CLDN18: variants seen among roughly 807,000 people sequenced by gnomAD.
The protein encoded by CLDN18 is claudin-18.
CLDN18 carries 20 observed loss-of-function variants against 25.0 expected under a neutral mutation model. That is an observed-to-expected ratio of 0.80 (90% confidence interval 0.56 to 1.16). CLDN18 has a LOEUF of 1.16. Among genes scored for constraint, CLDN18 ranks in the 50% most tolerant of loss-of-function variants. CLDN18 has a pLI of 0.00. For synonymous variants in CLDN18, 125 were observed against 135.6 expected (o/e 0.92, Z 0.54); for missense variants, 297 against 345.4 (o/e 0.86, Z 1.11).
chr3:138,009,792 CGG>C (rs1208000278), upstream of CLDN18, among the ~76,000 whole-genome samples: 1 of 152,236 alleles, frequency 6.6e-6, no homozygotes, highest in Non-Finnish European at 1.5e-5. Flanking sequence ...AGACAGAGCA[CGG>C]TGGGTGCTTC....
intron 1 of CLDN18, among the ~76,000 whole-genome samples, chr3:138,004,086 A>G (rs935996932): frequency 6.6e-6 from 1 of 152,156 alleles, no homozygotes; most frequent in African/African-American, 2.4e-5. Context: ...AGGCAAGAGA[A>G]TCACTTGAAC....
intron 1 of CLDN18, among the ~76,000 whole-genome samples, chr3:138,022,184 C>T (rs1942278523): frequency 6.6e-6 from 1 of 152,154 alleles, no homozygotes; most frequent in Non-Finnish European, 1.5e-5. Flanking sequence ...TGGAGAGAGA[C>T]TGGCCTGATG....
rs529867138 is a variant in CLDN18 at position 138,023,572 on chromosome 3, T to C, written c.221-86T>C. On this transcript the variant is annotated intron_variant, in intron 1 of 4. Transcript: ENST00000183605. ...GAGGTTTGGTGCAGGTTAGTTGTGG[T>C]TGCTTTGTTTTATTAAACCACAGCC... 4.3e-6 allele frequency: 6 copies of C among 1,383,730 alleles called. No homozygotes were observed. In the South Asian group the frequency reaches 8.0e-5, roughly 19 times the overall value. The allele number at this position is 1,383,730 out of a possible 1,614,324, so 85.7% of individuals were successfully genotyped here. A position where few individuals can be genotyped will look rare whatever the true frequency, so the allele number is the denominator to read the frequency against.
intron 1 of CLDN18, among the ~76,000 whole-genome samples, chr3:138,022,216 A>T (rs1942279060): frequency 6.6e-6 from 1 of 152,100 alleles, no homozygotes; most frequent in South Asian, 2.1e-4. Context: ...CAGCACAAAC[A>T]TTCTGTATAA....
intron 1 of CLDN18, among the ~76,000 whole-genome samples, chr3:138,011,059 T>C (rs1291616432): frequency 2.0e-5 from 3 of 152,134 alleles, no homozygotes; most frequent in South Asian, 4.2e-4. Context: ...AATATAAATA[T>C]AATTATAAAT....
chr3:138,011,434 G>T (rs1942136019), intron 1 of CLDN18, among the ~76,000 whole-genome samples: 1 of 152,148 alleles, frequency 6.6e-6, no homozygotes, highest in Non-Finnish European at 1.5e-5. Flanking sequence ...ATAGAAGATG[G>T]GTGTCAGAGT....
chr3:138,023,563 T>C (rs1321443205), intron 1 of CLDN18, 95 bp from the exon 2 acceptor site: 3 of 1,212,630 alleles, frequency 2.5e-6, no homozygotes, highest in Non-Finnish European at 3.5e-6. Flanking sequence ...TGGTGCAGGT[T>C]AGTTGTGGTT....
chr3:138,021,159 AC>A (rs1441669699), intron 1 of CLDN18, among the ~76,000 whole-genome samples: 1 of 152,172 alleles, frequency 6.6e-6, no homozygotes, highest in African/African-American at 2.4e-5. Context: ...GCCTATGAAA[AC>A]TAGGGCTGGA....
intron 1 of CLDN18, among the ~76,000 whole-genome samples, chr3:138,019,680 G>A (rs1010685851): frequency 6.6e-6 from 1 of 152,058 alleles, no homozygotes. Flanking sequence ...AAATCTCTGG[G>A]GATGAGAACA....
At position 138,023,806 on chromosome 3, in the gene CLDN18, C is replaced by T. The variant is rs1401299562; in HGVS notation, c.369C>T (p.Ile123=). 6.2e-7 allele frequency: 1 copy of T among 1,612,966 alleles called. No individual in the cohort carries two copies. Among genetic ancestry groups the T allele is most frequent in the Admixed American group, 1.7e-5 (1 of 59,948 alleles). ...CCAACATGACACTGACCTCCGGGAT[C>T]ATGTTCATTGTCTCAGGTAAACACA... The part of the protein sequence containing the change: ...AKANMTLTSG[I]MFIVSGLCAI... Residue 123 remains isoleucine, a synonymous_variant, in exon 2 of 5, where the codon ATC becomes ATT. Coordinates refer to ENST00000183605, the MANE Select transcript of CLDN18 (RefSeq NM_016369.4).
chr3:138,000,429 G>A (rs1942003624), intron 1 of CLDN18, among the ~76,000 whole-genome samples: 2 of 152,320 alleles, frequency 1.3e-5, no homozygotes, highest in South Asian at 4.1e-4. Context: ...CAGGGGCAAT[G>A]AGAGAATGAC....
chr3:138,008,196 T>C (rs549498336), upstream of CLDN18, among the ~76,000 whole-genome samples: 2 of 130,540 alleles, frequency 1.5e-5, no homozygotes, highest in South Asian at 5.5e-4. Flanking sequence ...CCTATAAAGG[T>C]TAAAGATTGG....
intron 1 of CLDN18, among the ~76,000 whole-genome samples, chr3:138,004,169 A>T (rs1203137127): frequency 2.0e-5 from 3 of 152,214 alleles, no homozygotes; most frequent in Admixed American, 6.5e-5. Flanking sequence ...CAAAAAAAAA[A>T]TTTTAGATAA....
chr3:137,999,067 T>G (rs1464271598), exon 1 of CLDN18: 1 of 1,614,146 alleles, frequency 6.2e-7, no homozygotes, highest in Non-Finnish European at 8.5e-7. Context: ...CCGGGGCTAC[T>G]TCACCCTGCT....
At chr3:138,011,864 T>A (rs1400722108) in intron 1 of CLDN18, among the ~76,000 whole-genome samples, 1 of 152,174 alleles carries the variant, frequency 6.6e-6, no homozygotes, top group Non-Finnish European at 1.5e-5. Context: ...TTGCGTCCAC[T>A]GTGACTTGTC....
At chr3:138,015,486 C>T (rs1942192155) in intron 1 of CLDN18, among the ~76,000 whole-genome samples, 1 of 152,178 alleles carries the variant, frequency 6.6e-6, no homozygotes, top group Non-Finnish European at 1.5e-5. Context: ...ACCTAGAACC[C>T]AGAAAAGTAT....
At chr3:138,026,791 C>A (rs1402200957) in intron 3 of CLDN18, among the ~76,000 whole-genome samples, 1 of 152,114 alleles carries the variant, frequency 6.6e-6, no homozygotes, top group African/African-American at 2.4e-5. Context: ...GGAAGGGAAG[C>A]CAAGCACGGG....
At chr3:138,023,854 C>G in intron 2 of CLDN18, 32 bp downstream of exon 2, 2 of 1,586,104 alleles carry the variant, frequency 1.3e-6, no homozygotes, top group Non-Finnish European at 1.7e-6. Flanking sequence ...CCCACTTCTG[C>G]GAATGTCAAA....
chr3:138,021,171 C>T (rs1368969002), intron 1 of CLDN18, among the ~76,000 whole-genome samples: 1 of 152,068 alleles, frequency 6.6e-6, no homozygotes, highest in Non-Finnish European at 1.5e-5. Context: ...TAGGGCTGGA[C>T]AGAACTCTGT....
Sources: gnomAD v4.1 joint callset for allele counts (sites outside exome capture counted in the v4.1 genomes callset) on GRCh38, gnomAD v4.1.1 for gene constraint, MANE v1.5 for transcripts, NCBI Gene and HGNC (gene_info 2026-07-23, HGNC 2026-07-21) for gene names.